XPO7: variants seen among roughly 807,000 people sequenced by gnomAD.
The protein encoded by XPO7 is exportin-7.
Under a neutral mutation model 144.3 loss-of-function variants are expected in XPO7, and 21 were observed. The observed-to-expected ratio is 0.15, with a 90% confidence interval of 0.10 to 0.21. The LOEUF (loss-of-function observed/expected upper bound fraction) is 0.21. XPO7 is among the 10% of genes least tolerant of loss of function. The pLI, the probability that XPO7 is intolerant of heterozygous loss-of-function variation, is 1.00. For synonymous variants in XPO7, 580 were observed against 499.6 expected (o/e 1.16, Z -2.15); for missense variants, 808 against 1,325.8 (o/e 0.61, Z 6.06).
chr8:21,952,105 G>T (rs1180407619), intron 1 of XPO7, among the ~76,000 whole-genome samples: 2 of 152,160 alleles, frequency 1.3e-5, no homozygotes, highest in Non-Finnish European at 2.9e-5. Context: ...CAAAAAACAT[G>T]CCACTTTAGG....
chr8:22,005,021 G>A lies in XPO7; in HGVS notation c.3197G>A (p.Arg1066His), dbSNP rs766797370. ...DRFTQNLSAF[R>H]REVNDSMKNS... ...TTCACCCAGAACCTGTCAGCATTCC[G>A]TCGAGAAGTCAACGACTCAATGAAG... The change falls in exon 28 of 28, where the codon CGT (arginine) becomes CAT (histidine). Residue 1066 changes from arginine (R) to histidine (H), a missense_variant. Physicochemically the swap from Arg to His is conservative, Grantham distance 29. Around this residue, in one of 5 missense-constraint regions of XPO7, gnomAD observed 140 missense variants for 237.9 expected, o/e 0.59. Coordinates refer to ENST00000252512, the MANE Select transcript of XPO7 (RefSeq NM_015024.5). 1.9e-6 allele frequency: 3 copies of A among 1,607,820 alleles called. No homozygotes were observed. Among genetic ancestry groups the A allele is most frequent in the Non-Finnish European group, 2.5e-6 (3 of 1,178,070 alleles).
chr8:21,954,102 C>A (rs1262298420), intron 1 of XPO7, among the ~76,000 whole-genome samples: 1 of 152,048 alleles, frequency 6.6e-6, no homozygotes, highest in Non-Finnish European at 1.5e-5. Flanking sequence ...TGATAATAAA[C>A]CTAAGTACAA....
At chr8:21,989,888 T>A (rs1488559347) in intron 16 of XPO7, among the ~76,000 whole-genome samples, 1 of 127,688 alleles carries the variant, frequency 7.8e-6, no homozygotes, top group African/African-American at 2.9e-5. Flanking sequence ...CTTGCTCTGT[T>A]GCCCAGGCTG....
Position 21,919,722 on chromosome 8 carries a change from T to G in XPO7, c.-49T>G, listed in dbSNP as rs1585406158. ...GCGGCGGCAGCGGCTCCGGCCGAGG[T>G]GCGCGCTGGGGGGGAGGGGGGGCCG... is the stretch of plus-strand genomic sequence containing the variant. On this transcript the variant is annotated 5_prime_UTR_variant, in exon 1 of 28. Coordinates refer to ENST00000252512, the MANE Select transcript of XPO7 (RefSeq NM_015024.5). The G allele has an allele frequency of 4.1e-6, 1 of 243,614 alleles. No individual in the cohort carries two copies. Among genetic ancestry groups the G allele is most frequent in the Non-Finnish European group, 7.1e-6 (1 of 140,566 alleles). The allele number at this position is 243,614 out of a possible 1,614,324, so 15.1% of individuals were successfully genotyped here.
At chr8:21,969,999 G>C in intron 3 of XPO7, 145 bp from the exon 4 acceptor site, 1 of 913,334 alleles carries the variant, frequency 1.1e-6, no homozygotes, top group East Asian at 2.5e-5. Context: ...ATTTGGAACA[G>C]TAGCATAAAT....
intron 1 of XPO7, among the ~76,000 whole-genome samples, chr8:21,958,931 A>G (rs924070554): frequency 2.4e-4 from 35 of 147,998 alleles, no homozygotes; most frequent in African/African-American, 8.3e-4. Context: ...ACTACACTCC[A>G]GCCTGGGTGA....
chr8:21,950,546 A>G (rs1419604016), intron 1 of XPO7, among the ~76,000 whole-genome samples: 3 of 152,204 alleles, frequency 2.0e-5, no homozygotes, highest in Admixed American at 1.3e-4. Flanking sequence ...TTAAGCTGCT[A>G]GATTGTCAAA....
intron 1 of XPO7, among the ~76,000 whole-genome samples, chr8:21,948,212 G>T (rs534604731): frequency 6.6e-5 from 10 of 152,302 alleles, no homozygotes; most frequent in African/African-American, 2.2e-4. Flanking sequence ...GTCAACGATG[G>T]ATCACATTTA....
At chr8:21,933,844 G>A (rs1242879618) in intron 1 of XPO7, among the ~76,000 whole-genome samples, 1 of 152,138 alleles carries the variant, frequency 6.6e-6, no homozygotes, top group Non-Finnish European at 1.5e-5. Context: ...AAATCTTAGA[G>A]TGTGATTATG....
chr8:21,986,726 C>T (rs1350895454), intron 13 of XPO7, among the ~76,000 whole-genome samples: 1 of 152,186 alleles, frequency 6.6e-6, no homozygotes, highest in Non-Finnish European at 1.5e-5. Context: ...AGTGTAGCAA[C>T]ACAATGATGG....
intron 17 of XPO7, 30 bp from the exon 18 acceptor site, chr8:21,990,781 A>G (rs754029250): frequency 1.7e-5 from 28 of 1,607,456 alleles, no homozygotes; most frequent in Admixed American, 1.5e-4. Flanking sequence ...TCATGTTTTT[A>G]CCTTTAACTT....
At chr8:21,970,363 T>C (rs911474462) in intron 4 of XPO7, 53 bp downstream of exon 4, 43 of 1,504,846 alleles carry the variant, frequency 2.9e-5, no homozygotes, top group Non-Finnish European at 3.2e-5. Flanking sequence ...CATATACATA[T>C]ATATAAACAC....
At chr8:21,971,546 A>C (rs532304509) in intron 4 of XPO7, among the ~76,000 whole-genome samples, 1 of 152,292 alleles carries the variant, frequency 6.6e-6, no homozygotes, top group South Asian at 2.1e-4. Flanking sequence ...CATTCTCTTT[A>C]TAAAATGTGT....
intron 1 of XPO7, among the ~76,000 whole-genome samples, chr8:21,931,668 A>G (rs753183419): frequency 4.6e-5 from 7 of 152,334 alleles, no homozygotes; most frequent in Non-Finnish European, 7.3e-5. Context: ...TGAATAAATC[A>G]TGAATTGTTG....
chr8:21,932,244 G>C (rs1325446610), intron 1 of XPO7, among the ~76,000 whole-genome samples: 2 of 152,138 alleles, frequency 1.3e-5, no homozygotes, highest in Non-Finnish European at 2.9e-5. Flanking sequence ...ATTTTCTATA[G>C]ATCATACAGC....
Position 21,919,730 on chromosome 8 carries a change from G to C in XPO7, c.-41G>C, listed in dbSNP as rs1000007426. 1.9e-5 allele frequency: 7 copies of C among 365,784 alleles called. 1 individual carries two copies. Among genetic ancestry groups the C allele is most frequent in the East Asian group, 1.3e-4 (1 of 7,598 alleles). The allele number at this position is 365,784 out of a possible 1,614,324, so 22.7% of individuals were successfully genotyped here. On this transcript the variant is annotated 5_prime_UTR_variant, in exon 1 of 28. Transcript: ENST00000252512. The stretch of plus-strand genomic sequence containing the variant: ...AGCGGCTCCGGCCGAGGTGCGCGCT[G>C]GGGGGGAGGGGGGGCCGGAGAGGAG...
At chr8:21,956,480 C>T (rs1397444342) in intron 1 of XPO7, among the ~76,000 whole-genome samples, 1 of 152,160 alleles carries the variant, frequency 6.6e-6, no homozygotes, top group East Asian at 1.9e-4. Context: ...AGGAAGTTAT[C>T]TCAAATTATT....
In XPO7 at chr8:21,990,843, T is replaced by C. The variant is rs1053697652; in HGVS notation, c.1965T>C (p.Asn655=). ...ACTTTTCATTTTTGGGTATTAACAA[T>C]CAGTCCAACCTGACAGACATGCGGT... The part of the protein sequence containing the change: ...SEHFSFLGIN[N]QSNLTDMRCR... Residue 655 remains asparagine (N), a synonymous_variant, in exon 18 of 28, where the codon AAT becomes AAC. Transcript: ENST00000252512. 3 of 1,614,008 alleles carry C rather than the reference T, an allele frequency of 1.9e-6. No individual in the cohort carries two copies. Among genetic ancestry groups the C allele is most frequent in the East Asian group, 4.5e-5 (2 of 44,884 alleles).
intron 21 of XPO7, among the ~76,000 whole-genome samples, chr8:21,996,875 T>G (rs1304782415): frequency 6.6e-6 from 1 of 152,176 alleles, no homozygotes; most frequent in Non-Finnish European, 1.5e-5. Flanking sequence ...TGGCGCAGTC[T>G]TGGCTCACTG....
Sources: allele counts gnomAD v4.1 joint callset (sites outside exome capture counted in the v4.1 genomes callset), GRCh38; gene constraint gnomAD v4.1.1; regional missense constraint gnomAD v4.1.1; transcripts MANE v1.5; gene names NCBI Gene and HGNC (gene_info 2026-07-23, HGNC 2026-07-21).